The following ARHGAP25 variants were observed in gnomAD, a reference collection of about 807,000 sequenced individuals.
ARHGAP25 encodes the protein rho GTPase-activating protein 25.
ARHGAP25 carries 34 observed loss-of-function variants against 71.0 expected under a neutral mutation model. The observed-to-expected ratio is 0.48, with a 90% CI of 0.36 to 0.64. The LOEUF is 0.64. Ranked by LOEUF, ARHGAP25 falls within the 30% of genes least tolerant of loss-of-function variation. The pLI is 0.00. For synonymous variants in ARHGAP25, 282 were observed against 296.5 expected (o/e 0.95, Z 0.50); for missense variants, 706 against 805.1 (o/e 0.88, Z 1.49).
Position 68,727,385 on chromosome 2 carries a change from A to G in ARHGAP25, c.-18+16687A>G, listed in dbSNP as rs529275255. On this transcript the variant is annotated intron_variant and NMD_transcript_variant, in intron 2 of 7. Coordinates refer to the ARHGAP25 transcript ENST00000463483. The stretch of plus-strand genomic sequence containing the variant: ...TAAATCTATTAGAAGGAAAATATCA[A>G]TACAAGTGTGACCACAATAGCACCT... Among the ~76,000 whole-genome samples the G allele has an allele frequency of 3.3e-5, 5 of 152,322 alleles. No homozygotes were observed. The South Asian group carries it at 8.3e-4, about 25-fold the overall frequency.
At chr2:68,825,350 G>A (rs545747457) in intron 10 of ARHGAP25, among the ~76,000 whole-genome samples, 23 of 152,160 alleles carry the variant, frequency 1.5e-4, no homozygotes, top group Non-Finnish European at 2.6e-4. Flanking sequence ...TGCTGTGGGA[G>A]TGAATATATA....
rs57423067 is a variant in ARHGAP25, at chr2:68,744,260, A to G, written c.61+9000A>G. Among the ~76,000 whole-genome samples the G allele has an allele frequency of 2.0e-5, 3 of 151,898 alleles. No individual in the cohort carries two copies. In the East Asian group the frequency reaches 5.8e-4, roughly 29 times the overall value. On this transcript the variant is annotated intron_variant, in intron 1 of 10. Coordinates refer to ENST00000409202, the MANE Select transcript of ARHGAP25 (RefSeq NM_001007231.3). ...TATTCTGCTTTCTGGATATATATAT[A>G]TTTTTTCCAACTCTATCTCTCCCTC...
At chr2:68,771,410 A>G (rs1237061338) in intron 1 of ARHGAP25, among the ~76,000 whole-genome samples, 1 of 152,158 alleles carries the variant, frequency 6.6e-6, no homozygotes. Context: ...TATTATTTTC[A>G]TTATGAGAAA....
intron 9 of ARHGAP25, 61 bp downstream of exon 9, chr2:68,819,380 T>C (rs1335381665): frequency 1.3e-6 from 2 of 1,566,416 alleles, no homozygotes; most frequent in South Asian, 1.1e-5. Context: ...GGCCATCCCA[T>C]GTAAGGCCTG....
At position 68,782,306 on chromosome 2, in the gene ARHGAP25, T is replaced by G; in HGVS notation, c.335T>G (p.Phe112Cys). Residue 112 changes from phenylalanine to cysteine, a missense_variant, in exon 3 of 11, where the codon TTT becomes TGT. Coordinates refer to ENST00000409202, the MANE Select transcript of ARHGAP25 (RefSeq NM_001007231.3). ...TNPEEAGKFV[F>C]EIIPASWDQN... ...CCAGAAGAAGCTGGGAAGTTTGTCT[T>G]TGAAATCATTCCAGGTAGGCCACCA... The G allele has an allele frequency of 6.2e-7, 1 of 1,614,126 alleles. No individual in the cohort carries two copies. The highest frequency in any genetic ancestry group is 8.5e-7 in the Non-Finnish European group (1 of 1,179,984).
intron 2 of ARHGAP25, among the ~76,000 whole-genome samples, chr2:68,778,823 C>T (rs1678112367): frequency 6.6e-6 from 1 of 152,116 alleles, no homozygotes; most frequent in Non-Finnish European, 1.5e-5. Context: ...ATTATGGAGC[C>T]GTGTATGATA....
chr2:68,765,915 G>A (rs1344229627), intron 1 of ARHGAP25, among the ~76,000 whole-genome samples: 1 of 152,198 alleles, frequency 6.6e-6, no homozygotes, highest in Non-Finnish European at 1.5e-5. Flanking sequence ...AGTGACGTCT[G>A]TTAGGCTGTA....
chr2:68,763,574 A>C (rs1333677945), intron 1 of ARHGAP25, among the ~76,000 whole-genome samples: 4 of 152,216 alleles, frequency 2.6e-5, no homozygotes, highest in African/African-American at 9.6e-5. Context: ...TATCAAAAGC[A>C]AGTTCATAAT....
intron 5 of ARHGAP25, among the ~76,000 whole-genome samples, chr2:68,811,280 G>A (rs1239546784): frequency 2.6e-5 from 4 of 152,130 alleles, no homozygotes; most frequent in Non-Finnish European, 5.9e-5. Context: ...TGAAGGAGAG[G>A]TCCCAATCAA....
At chr2:68,786,124 A>G (rs995359925) in intron 3 of ARHGAP25, among the ~76,000 whole-genome samples, 2 of 152,238 alleles carry the variant, frequency 1.3e-5, no homozygotes, top group African/African-American at 4.8e-5. Flanking sequence ...CAGCTCTCCT[A>G]ACCAGAAGAG....
intron 2 of ARHGAP25, among the ~76,000 whole-genome samples, chr2:68,719,428 CAA>C (rs201534754): frequency 3.5e-4 from 26 of 74,816 alleles, no homozygotes; most frequent in Admixed American, 5.7e-4. Context: ...GTCGACATGG[CAA>C]AAAAAAAAAA....
intron 5 of ARHGAP25, 26 bp from the exon 6 acceptor site, chr2:68,813,261 A>T (rs779688629): frequency 1.3e-6 from 2 of 1,595,288 alleles, no homozygotes; most frequent in Non-Finnish European, 1.7e-6. Context: ...AAAGAGTTTC[A>T]CAGAGCGTTG....
At chr2:68,743,379 C>T (rs1472618750) in intron 1 of ARHGAP25, among the ~76,000 whole-genome samples, 1 of 152,052 alleles carries the variant, frequency 6.6e-6, no homozygotes, top group Non-Finnish European at 1.5e-5. Flanking sequence ...CTCTAAGAGT[C>T]CTGTACCTGG....
Position 68,807,256 on chromosome 2 carries a change from G to T in ARHGAP25, c.467-17G>T, listed in dbSNP as rs1487893416. ...AAGCACAGAATGACGGGCAGGTTCT[G>T]TTTGCTCTCTCCTCAGCAGTGTTTG... On this transcript the variant is annotated splice_polypyrimidine_tract_variant and intron_variant, in intron 4 of 10. Coordinates refer to ENST00000409202, the MANE Select transcript of ARHGAP25 (RefSeq NM_001007231.3). 1.2e-6 allele frequency: 2 copies of T among 1,614,044 alleles called. No individual in the cohort carries two copies. Among genetic ancestry groups the T allele is most frequent in the East Asian group, 4.5e-5 (2 of 44,882 alleles).
Position 68,813,421 on chromosome 2 carries a change from T to G in ARHGAP25, c.807+2T>G. ...CTCACGAATGCGGATGAGGCAAAGG[T>G]TTGCATCTTAGAGTTAGTTGTCCTG... On this transcript the variant is annotated splice_donor_variant, in intron 6 of 10. Coordinates refer to ENST00000409202, the MANE Select transcript of ARHGAP25 (RefSeq NM_001007231.3). LOFTEE classifies it high-confidence loss of function. 1 of 1,610,392 alleles carries G rather than the reference T, an allele frequency of 6.2e-7. No individual in the cohort carries two copies. The highest frequency in any genetic ancestry group is 8.5e-7 in the Non-Finnish European group (1 of 1,178,918).
intron 5 of ARHGAP25, among the ~76,000 whole-genome samples, chr2:68,808,370 G>T (rs1005406134): frequency 1.3e-5 from 2 of 152,152 alleles, no homozygotes; most frequent in African/African-American, 2.4e-5. Flanking sequence ...TGAGAAAATT[G>T]TGAAGACCTA....
At chr2:68,773,664 A>G (rs944168539) in intron 1 of ARHGAP25, among the ~76,000 whole-genome samples, 19 of 152,234 alleles carry the variant, frequency 1.2e-4, no homozygotes, top group Admixed American at 6.5e-4. Context: ...TTCAAAATCA[A>G]TGAGGAGATG....
At chr2:68,779,268 T>A (rs1183636450) in intron 2 of ARHGAP25, among the ~76,000 whole-genome samples, 3 of 152,128 alleles carry the variant, frequency 2.0e-5, no homozygotes, top group Non-Finnish European at 1.5e-5. Context: ...GCTACCAACA[T>A]TATACCACTG....
intron 2 of ARHGAP25, among the ~76,000 whole-genome samples, chr2:68,711,927 G>A (rs756078690): frequency 6.6e-6 from 1 of 152,002 alleles, no homozygotes; most frequent in African/African-American, 2.4e-5. Flanking sequence ...TTGTGCATTT[G>A]GGTTGGTTCC....
Sources: allele counts gnomAD v4.1 joint callset (sites outside exome capture counted in the v4.1 genomes callset), GRCh38; gene constraint gnomAD v4.1.1; transcripts MANE v1.5; gene names NCBI Gene and HGNC (gene_info 2026-07-23, HGNC 2026-07-21).